Variants in GJB7 observed in about 807,000 individuals in gnomAD.
GJB7 encodes the protein gap junction beta-7 protein.
For missense variants in GJB7, 253 were observed against 256.8 expected (o/e 0.99, Z 0.10); for synonymous variants, 87 against 95.2 (o/e 0.91, Z 0.50).
At chr6:87,285,030 A>G in intron 2 of GJB7, 91 bp from the exon 3 acceptor site, 1 of 808,028 alleles carries the variant, frequency 1.2e-6, no homozygotes, top group East Asian at 2.6e-5. Context: ...ATAAATTACA[A>G]TTTCTGCATT....
At chr6:87,300,093 G>T (rs1197420792) in intron 2 of GJB7, 3 of 316,178 alleles carry the variant, frequency 9.5e-6, no homozygotes, top group East Asian at 6.1e-5. Flanking sequence ...CCTTGCTCCA[G>T]TGCACTTGAG....
chr6:87,287,687 C>G (rs1477527580), intron 2 of GJB7, among the ~76,000 whole-genome samples: 4 of 152,068 alleles, frequency 2.6e-5, no homozygotes. Context: ...TATCATTGGG[C>G]GTTTGTCTGT....
intron 2 of GJB7, among the ~76,000 whole-genome samples, chr6:87,293,888 G>A (rs541223817): frequency 9.8e-5 from 15 of 152,330 alleles, no homozygotes; most frequent in South Asian, 8.3e-4. Context: ...GCTGGAAGAC[G>A]GAGAAATTAC....
chr6:87,292,122 C>T (rs1776183938), intron 2 of GJB7: 1 of 152,194 alleles, frequency 6.6e-6, no homozygotes, highest in South Asian at 2.1e-4. Context: ...GATGAGAATT[C>T]CTGGGTTTCT....
chr6:87,302,073 TG>T (rs1176197149), intron 2 of GJB7, among the ~76,000 whole-genome samples: 1 of 151,798 alleles, frequency 6.6e-6, no homozygotes, highest in Non-Finnish European at 1.5e-5. Flanking sequence ...ACCACAAAGA[TG>T]GGGAAAAAAC....
intron 2 of GJB7, among the ~76,000 whole-genome samples, chr6:87,316,960 G>A (rs562340251): frequency 6.6e-6 from 1 of 152,256 alleles, no homozygotes; most frequent in Non-Finnish European, 1.5e-5. Context: ...TTGTGATTCT[G>A]GGCTCAGTCA....
At chr6:87,315,552 G>T (rs937295400) in intron 2 of GJB7, among the ~76,000 whole-genome samples, 2 of 152,158 alleles carry the variant, frequency 1.3e-5, no homozygotes, top group Non-Finnish European at 2.9e-5. Context: ...AGAACGTTGG[G>T]TGGCCAAGGC....
intron 1 of GJB7, among the ~76,000 whole-genome samples, chr6:87,324,876 A>G (rs1582084810): frequency 6.6e-6 from 1 of 152,176 alleles, no homozygotes; most frequent in East Asian, 1.9e-4. Flanking sequence ...GGCCATTTTC[A>G]CAATGTTGAT....
chr6:87,304,131 C>T (rs1776381137), intron 2 of GJB7, among the ~76,000 whole-genome samples: 1 of 151,950 alleles, frequency 6.6e-6, no homozygotes, highest in Admixed American at 6.6e-5. Flanking sequence ...GAAGCAAGAG[C>T]AAACACATTC....
intron 1 of GJB7, among the ~76,000 whole-genome samples, chr6:87,328,048 A>G (rs375351067): frequency 6.6e-6 from 1 of 151,980 alleles, no homozygotes; most frequent in Non-Finnish European, 1.5e-5. Flanking sequence ...TGATCGCATC[A>G]GCTCCTGAGG....
chr6:87,327,332 G>A (rs1056902622), intron 1 of GJB7, among the ~76,000 whole-genome samples: 21 of 151,934 alleles, frequency 1.4e-4, no homozygotes, highest in African/African-American at 2.4e-4. Context: ...TATTTTGCTC[G>A]TTAGTTGATA....
At chr6:87,304,705 T>C (rs999308147) in intron 2 of GJB7, among the ~76,000 whole-genome samples, 1 of 152,158 alleles carries the variant, frequency 6.6e-6, no homozygotes, top group Non-Finnish European at 1.5e-5. Context: ...TACCAAAGCC[T>C]GGCAGAGACA....
intron 2 of GJB7, among the ~76,000 whole-genome samples, chr6:87,288,138 C>T (rs916702088): frequency 2.6e-5 from 4 of 152,048 alleles, no homozygotes; most frequent in Non-Finnish European, 5.9e-5. Context: ...CCTGACCTTG[C>T]GATCCGCCCA....
chr6:87,320,251 A>G (rs1325867532), intron 2 of GJB7, among the ~76,000 whole-genome samples: 1 of 152,222 alleles, frequency 6.6e-6, no homozygotes, highest in Non-Finnish European at 1.5e-5. Flanking sequence ...TATTCATTGT[A>G]TGCTTGTACC....
At chr6:87,303,109 C>T (rs1776362660) in intron 2 of GJB7, among the ~76,000 whole-genome samples, 1 of 152,202 alleles carries the variant, frequency 6.6e-6, no homozygotes, top group Non-Finnish European at 1.5e-5. Context: ...TAGGAAGAAA[C>T]TGCATCAACT....
intron 2 of GJB7, among the ~76,000 whole-genome samples, chr6:87,287,168 G>A (rs919373949): frequency 3.3e-5 from 5 of 152,134 alleles, no homozygotes; most frequent in African/African-American, 1.2e-4. Flanking sequence ...ACCATAACCT[G>A]TAGATATGGG....
chr6:87,307,721 A>C (rs953404241), intron 2 of GJB7, among the ~76,000 whole-genome samples: 8 of 152,184 alleles, frequency 5.3e-5, no homozygotes, highest in African/African-American at 1.7e-4. Flanking sequence ...AAAAATCAGG[A>C]AACAACAGGT....
chr6:87,306,497 A>T (rs1009036760), intron 2 of GJB7, among the ~76,000 whole-genome samples: 2 of 152,176 alleles, frequency 1.3e-5, no homozygotes, highest in Non-Finnish European at 2.9e-5. Context: ...ACCAGTTAGA[A>T]TGGCCATCAT....
At chr6:87,324,014 C>G (rs1038559919) in intron 1 of GJB7, among the ~76,000 whole-genome samples, 2 of 150,244 alleles carry the variant, frequency 1.3e-5, no homozygotes, top group Non-Finnish European at 3.0e-5. Flanking sequence ...TTGCATTTCT[C>G]TGATGGCCAG....
Sources: allele counts gnomAD v4.1 joint callset (sites outside exome capture counted in the v4.1 genomes callset), GRCh38; gene constraint gnomAD v4.1.1; transcripts MANE v1.5; gene names NCBI Gene and HGNC (gene_info 2026-07-23, HGNC 2026-07-21).